The following OPRK1 variants were observed in gnomAD, a reference collection of about 807,000 sequenced individuals.
OPRK1 encodes the protein kappa-type opioid receptor.
A neutral mutation model predicts 24.5 loss-of-function variants in OPRK1; 15 were observed. That is an observed-to-expected ratio of 0.61 (90% CI 0.41 to 0.94). The LOEUF (loss-of-function observed/expected upper bound fraction) is 0.94, where lower values mean the gene tolerates loss of function less well. OPRK1 is among the 40% of genes least tolerant of loss of function. OPRK1 has a pLI of 0.00. For missense variants in OPRK1, 479 were observed against 507.3 expected (o/e 0.94, Z 0.54); for synonymous variants, 205 against 198.0 (o/e 1.04, Z -0.30).
chr8:53,238,464 A>C, intron 2 of OPRK1: 1 of 872,412 alleles, frequency 1.1e-6, no homozygotes, highest in Non-Finnish European at 1.4e-6. Flanking sequence ...ACCTGAAAAA[A>C]CAGTACGGTG....
chr8:53,242,803 GC>G, intron 2 of OPRK1: 1 of 1,235,160 alleles, frequency 8.1e-7, no homozygotes, highest in Non-Finnish European at 1.0e-6. Flanking sequence ...ACCGCGCCCG[GC>G]CACTCCAGCC....
chr8:53,245,353 A>G (rs575006487), intron 2 of OPRK1, among the ~76,000 whole-genome samples: 1 of 152,230 alleles, frequency 6.6e-6, no homozygotes, highest in African/African-American at 2.4e-5. Flanking sequence ...TTACAGGGAG[A>G]AGGCAGCATC....
In OPRK1 at chr8:53,229,514, A is replaced by G; in HGVS notation, c.926T>C (p.Leu309Pro). ...GGCGATGCAGAAGTAATAGCTGGAGAGAGCAGCTGTGCTGTGGGAGGTGCT... is the reference window on the plus strand; with the variant it reads ...GGCGATGCAGAAGTAATAGCTGGAGGGAGCAGCTGTGCTGTGGGAGGTGCT... ...LGSTSHSTAA[L>P]SSYYFCIALG... Residue 309 changes from leucine to proline, a missense_variant, in exon 4 of 4, where the codon CTC becomes CCC. By Grantham distance (98) the Leu-to-Pro change is moderately conservative. Transcript: ENST00000265572. 1 of 1,614,200 alleles carries G rather than the reference A, an allele frequency of 6.2e-7. No individual in the cohort carries two copies. Among genetic ancestry groups the G allele is most frequent in the South Asian group, 1.1e-5 (1 of 91,082 alleles).
Position 53,226,089 on chromosome 8 carries a change from A to G in OPRK1, c.*3208T>C, listed in dbSNP as rs1008151944. On this transcript the variant is annotated 3_prime_UTR_variant, in exon 4 of 4. Transcript: ENST00000265572. The stretch of plus-strand genomic sequence containing the variant: ...CATCCCAGGACTAGATGAAACACCT[A>G]TAAATTGTCTGACAATAGTTATACA... 4 of 152,236 alleles carry G rather than the reference A, an allele frequency of 2.6e-5. No individual in the cohort carries two copies. The highest frequency in any genetic ancestry group is 9.6e-5 in the African/African-American group (4 of 41,460). 9.4% of individuals were successfully genotyped at this position (152,236 alleles called of 1,614,324 possible).
chr8:53,246,965 T>C (rs1239503528), intron 2 of OPRK1, among the ~76,000 whole-genome samples: 1 of 152,202 alleles, frequency 6.6e-6, no homozygotes, highest in African/African-American at 2.4e-5. Flanking sequence ...GGGTCAGATA[T>C]ACTTGAAGGT....
At position 53,237,945 on chromosome 8, in the gene OPRK1, G is replaced by A. The variant is rs545100770; in HGVS notation, c.258-2834C>T. Among the ~76,000 whole-genome samples, 15 of 152,220 alleles carry A rather than the reference G, an allele frequency of 9.9e-5. No homozygotes were observed. In the East Asian group the frequency reaches 2.9e-3, roughly 29 times the overall value. ...AGGCAGGGCCCCCTTCCAGGTTTCTGGAAGACACATGCTTATAAACCTACA... is the reference window on the plus strand; with the variant it reads ...AGGCAGGGCCCCCTTCCAGGTTTCTAGAAGACACATGCTTATAAACCTACA... On this transcript the variant is annotated intron_variant, in intron 2 of 3. Transcript: ENST00000265572.
At chr8:53,249,637 A>G in intron 2 of OPRK1, among the ~76,000 whole-genome samples, 1 of 152,240 alleles carries the variant, frequency 6.6e-6, no homozygotes, top group Admixed American at 6.5e-5. Flanking sequence ...CAAGCAAAAA[A>G]GTAAAAATAA....
rs202201808 is a variant in OPRK1 at position 53,226,799 on chromosome 8, T to G, written c.*2498A>C. ...TCCCTTCTTCACTCCTTTTTCAATG[T>G]TGGGGAGTCGATATTAACAAGAATC... On this transcript the variant is annotated 3_prime_UTR_variant, in exon 4 of 4. Coordinates refer to ENST00000265572, the MANE Select transcript of OPRK1 (RefSeq NM_000912.5). The G allele has an allele frequency of 6.6e-6, 1 of 152,240 alleles. No individual in the cohort carries two copies. The highest frequency in any genetic ancestry group is 1.5e-5 in the Non-Finnish European group (1 of 68,048). 9.4% of individuals were successfully genotyped at this position (152,240 alleles called of 1,614,324 possible). A position where few individuals can be genotyped will look rare whatever the true frequency, so the allele number is the denominator to read the frequency against.
chr8:53,232,685 A>C (rs987419756), intron 3 of OPRK1, among the ~76,000 whole-genome samples: 3 of 152,312 alleles, frequency 2.0e-5, no homozygotes, highest in African/African-American at 7.2e-5. Flanking sequence ...TTTATATATT[A>C]ATATCAGAGG....
At chr8:53,251,388 C>A in intron 1 of OPRK1, 60 bp downstream of exon 1, 1 of 348,600 alleles carries the variant, frequency 2.9e-6, no homozygotes, top group Non-Finnish European at 5.2e-6. Flanking sequence ...GTCAAGCCCC[C>A]TTCCCACCTC....
intron 3 of OPRK1, among the ~76,000 whole-genome samples, chr8:53,234,205 C>CAAAAAAAAAA (rs1554519153): frequency 1.2e-5 from 1 of 84,340 alleles, no homozygotes. Context: ...AAAAAAAAAT[C>CAAAAAAAAAA]AGTTGGCTGG....
At chr8:53,244,880 A>C (rs1436907490) in intron 2 of OPRK1, among the ~76,000 whole-genome samples, 3 of 152,152 alleles carry the variant, frequency 2.0e-5, no homozygotes, top group Non-Finnish European at 4.4e-5. Flanking sequence ...CTGCCTTGGT[A>C]TCCCTGGGGG....
At chr8:53,243,609 A>G (rs1000420090) in intron 2 of OPRK1, among the ~76,000 whole-genome samples, 12 of 152,238 alleles carry the variant, frequency 7.9e-5, no homozygotes, top group African/African-American at 2.9e-4. Flanking sequence ...ATCTGTGATC[A>G]CACATCCCTC....
chr8:53,234,733 G>A (rs975476145), intron 3 of OPRK1, 26 bp downstream of exon 3: 3 of 1,571,714 alleles, frequency 1.9e-6, no homozygotes, highest in South Asian at 2.2e-5. Flanking sequence ...ACATTTTTAT[G>A]AACAGAATGA....
chr8:53,234,182 C>CAACAAAAAAAAAAAAA (rs1806927002), intron 3 of OPRK1, among the ~76,000 whole-genome samples: 1 of 65,374 alleles, frequency 1.5e-5, no homozygotes, highest in Non-Finnish European at 2.6e-5. Context: ...GACTCTCTCT[C>CAACAAAAAAAAAAAAA]AAAAAAAAAA....
intron 2 of OPRK1, among the ~76,000 whole-genome samples, chr8:53,245,488 G>A (rs972806398): frequency 1.3e-5 from 2 of 152,186 alleles, no homozygotes; most frequent in African/African-American, 2.4e-5. Flanking sequence ...CCCAGTCTGC[G>A]GTGCTTTGTT....
In OPRK1 at chr8:53,229,668, G is replaced by A; in HGVS notation, c.772C>T (p.Leu258Phe). ...LMILRLKSVRLLSGSREKDRN... is the reference protein window; with the variant it reads ...LMILRLKSVRFLSGSREKDRN... ...TCTTTCTCTCGGGAGCCAGAAAGGAGCCGGACGCTCTTGAGACGCAGGATC... is the reference window on the plus strand; with the variant it reads ...TCTTTCTCTCGGGAGCCAGAAAGGAACCGGACGCTCTTGAGACGCAGGATC... The change falls in exon 4 of 4, where the codon CTC (leucine) becomes TTC (phenylalanine). Residue 258 changes from leucine (L) to phenylalanine (F), a missense_variant. By Grantham distance (22) the Leu-to-Phe change is conservative. Coordinates refer to ENST00000265572, the MANE Select transcript of OPRK1 (RefSeq NM_000912.5). 6.2e-7 allele frequency: 1 copy of A among 1,614,126 alleles called. No homozygotes were observed.
rs1806733034 is a variant in OPRK1, at chr8:53,227,540, C to T, written c.*1757G>A. 3 of 152,042 alleles carry T rather than the reference C, an allele frequency of 2.0e-5. No homozygotes were observed. The highest frequency in any genetic ancestry group is 7.2e-5 in the African/African-American group (3 of 41,398). 9.4% of individuals were successfully genotyped at this position (152,042 alleles called of 1,614,324 possible). A position where few individuals can be genotyped will look rare whatever the true frequency, so the allele number is the denominator to read the frequency against. On this transcript the variant is annotated 3_prime_UTR_variant, in exon 4 of 4. Coordinates refer to ENST00000265572, the MANE Select transcript of OPRK1 (RefSeq NM_000912.5). ...TATTTAAGCAATTCCTATTTACATT[C>T]AGTTATAAAAATACAAGGGCAGATA...
In OPRK1 at chr8:53,226,194, T is replaced by C. The variant is rs201440697; in HGVS notation, c.*3103A>G. 2.6e-5 allele frequency: 4 copies of C among 152,200 alleles called. No homozygotes were observed. Among genetic ancestry groups the C allele is most frequent in the South Asian group, 2.1e-4 (1 of 4,828 alleles). The allele number at this position is 152,200 out of a possible 1,614,324, so 9.4% of individuals were successfully genotyped here. A position where few individuals can be genotyped will look rare whatever the true frequency, so the allele number is the denominator to read the frequency against. On this transcript the variant is annotated 3_prime_UTR_variant, in exon 4 of 4. Coordinates refer to ENST00000265572, the MANE Select transcript of OPRK1 (RefSeq NM_000912.5). ...AGATTTTATGTGACTCTTTATTGATTTTTTTTCTCCAAGCTATTTTTCCAA... is the reference window on the plus strand; with the variant it reads ...AGATTTTATGTGACTCTTTATTGATCTTTTTTCTCCAAGCTATTTTTCCAA...
Sources: gnomAD v4.1 joint callset for allele counts (sites outside exome capture counted in the v4.1 genomes callset) on GRCh38, gnomAD v4.1.1 for gene constraint, MANE v1.5 for transcripts, NCBI Gene and HGNC (gene_info 2026-07-23, HGNC 2026-07-21) for gene names.